The following KIF3C variants were observed in gnomAD, a reference collection of about 807,000 sequenced individuals.
KIF3C encodes kinesin-like protein KIF3C.
Under a neutral mutation model 67.7 loss-of-function variants are expected in KIF3C, and 12 were observed. That is an observed-to-expected ratio of 0.18 (90% CI 0.11 to 0.29). KIF3C has a LOEUF of 0.29. Among genes scored for constraint, KIF3C ranks in the 10% least tolerant of loss-of-function variants. KIF3C has a pLI of 1.00. For missense variants in KIF3C, 789 were observed against 1,059.6 expected (o/e 0.74, Z 3.55); for synonymous variants, 393 against 426.2 (o/e 0.92, Z 0.96).
chr2:25,981,999 C>T lies in KIF3C; in HGVS notation c.-82G>A. The T allele has an allele frequency of 8.5e-7, 1 of 1,177,436 alleles. No homozygotes were observed. The highest frequency in any genetic ancestry group is 1.5e-5 in the South Asian group (1 of 64,686). The allele number at this position is 1,177,436 out of a possible 1,614,324, so 72.9% of individuals were successfully genotyped here. A position where few individuals can be genotyped will look rare whatever the true frequency, so the allele number is the denominator to read the frequency against. ...ATCCTGCTCGCTAGGTCGGGATCAG[C>T]GGGGCCGGCCCAGCCCCCAGGCGCA... is the stretch of plus-strand genomic sequence containing the variant. On this transcript the variant is annotated 5_prime_UTR_variant, in exon 1 of 8. Coordinates refer to ENST00000264712, the MANE Select transcript of KIF3C (RefSeq NM_002254.8). This position sits in a 1 kb window ranked among gnomAD's most constrained non-coding sequence, Gnocchi z 8.2.
intron 1 of KIF3C, among the ~76,000 whole-genome samples, chr2:25,972,465 C>T (rs1452512741): frequency 6.6e-6 from 1 of 152,188 alleles, no homozygotes; most frequent in East Asian, 1.9e-4. Context: ...GAATACAAGA[C>T]ACTGCTCTCA....
Position 25,928,997 on chromosome 2 carries a change from G to A in KIF3C, c.2363C>T (p.Thr788Ile), listed in dbSNP as rs2090434724. 1 of 1,613,552 alleles carries A rather than the reference G, an allele frequency of 6.2e-7. No individual in the cohort carries two copies. Among genetic ancestry groups the A allele is most frequent in the Admixed American group, 1.7e-5 (1 of 59,992 alleles). ...SLASASLRPA[T>I]VADHE is the part of the protein sequence containing the mutation. Reference sequence around the variant, plus strand: ...TGGTTGTCACTCATGGTCCGCCACTGTTGCAGGGCGCAGAGAAGCAGAGGC... The same window carrying A: ...TGGTTGTCACTCATGGTCCGCCACTATTGCAGGGCGCAGAGAAGCAGAGGC... The change falls in exon 8 of 8, where the codon ACA becomes ATA. Residue 788 changes from threonine to isoleucine, a missense_variant. By Grantham distance (89) the Thr-to-Ile change is moderately conservative (BLOSUM62 -1). Coordinates refer to ENST00000264712, the MANE Select transcript of KIF3C (RefSeq NM_002254.8).
chr2:25,954,238 C>A lies in KIF3C; in HGVS notation c.1889+29G>T, dbSNP rs780102112. On this transcript the variant is annotated intron_variant, in intron 4 of 7. Coordinates refer to ENST00000264712, the MANE Select transcript of KIF3C (RefSeq NM_002254.8). ...GAGTAATGATGGCTGGCTGTGGGGA[C>A]CCGGGATGAAAAGAGCTGCGGGCCC... is the stretch of plus-strand genomic sequence containing the variant. The A allele has an allele frequency of 6.5e-6, 10 of 1,535,934 alleles. No homozygotes were observed. The East Asian group carries it at 9.0e-5, about 14-fold the overall frequency.
chr2:25,954,842 G>C (rs1663765789), intron 3 of KIF3C, among the ~76,000 whole-genome samples: 1 of 152,182 alleles, frequency 6.6e-6, no homozygotes, highest in African/African-American at 2.4e-5. Flanking sequence ...TCCCACTCCA[G>C]TCTCTTCAGG....
In KIF3C at chr2:25,982,000, G is replaced by T; in HGVS notation, c.-83C>A. ...TCCTGCTCGCTAGGTCGGGATCAGC[G>T]GGGCCGGCCCAGCCCCCAGGCGCAG... On this transcript the variant is annotated 5_prime_UTR_variant, in exon 1 of 8. Transcript: ENST00000264712. This position sits in a 1 kb window ranked among gnomAD's most constrained non-coding sequence, Gnocchi z 8.2. 1.7e-6 allele frequency: 2 copies of T among 1,184,864 alleles called. No individual in the cohort carries two copies. Among genetic ancestry groups the T allele is most frequent in the Admixed American group, 5.5e-5 (2 of 36,128 alleles). 73.4% of individuals were successfully genotyped at this position (1,184,864 alleles called of 1,614,324 possible).
chr2:25,954,002 T>C (rs1663730203), intron 4 of KIF3C: 1 of 405,270 alleles, frequency 2.5e-6, no homozygotes, highest in East Asian at 4.3e-5. Context: ...AAATCACTGA[T>C]TCTTATGCAA....
intron 1 of KIF3C, among the ~76,000 whole-genome samples, chr2:25,962,967 AATATATAATATATAATATATAAT>A (rs1559555403): frequency 3.6e-3 from 90 of 24,762 alleles, no homozygotes; most frequent in Non-Finnish European, 4.3e-3. Context: ...TAATATATAT[AATATATAATATATAATATATAAT>A]ATATATAATA....
In KIF3C at chr2:25,956,388, T is replaced by C. The variant is rs1452227280; in HGVS notation, c.1602A>G (p.Glu534=). ...GGRNIMDHTN[E]QQKMLELKRQ... ...TCTTCAGTTCCAACATCTTCTGCTG[T>C]TCGTTGGTGTGATCCATGATGTTCC... is the stretch of plus-strand genomic sequence containing the variant. Residue 534 remains glutamate (E), a synonymous_variant, in exon 2 of 8, where the codon GAA becomes GAG. Transcript: ENST00000264712. 6.2e-7 allele frequency: 1 copy of C among 1,614,156 alleles called. No homozygotes were observed. The highest frequency in any genetic ancestry group is 8.5e-7 in the Non-Finnish European group (1 of 1,180,022).
At chr2:25,932,380 C>A (rs572563395) in intron 5 of KIF3C, among the ~76,000 whole-genome samples, 1 of 150,124 alleles carries the variant, frequency 6.7e-6, no homozygotes, top group Admixed American at 6.7e-5. Flanking sequence ...CTCAGGTAAT[C>A]CTCCTGCCTC....
chr2:25,951,255 G>A (rs1663604089), intron 5 of KIF3C: 1 of 152,960 alleles, frequency 6.5e-6, no homozygotes, highest in Non-Finnish European at 1.5e-5. Context: ...GAAACAGGTG[G>A]AAATGCTGAA....
chr2:25,961,709 C>T (rs1663947092), intron 1 of KIF3C, among the ~76,000 whole-genome samples: 1 of 152,128 alleles, frequency 6.6e-6, no homozygotes, highest in Non-Finnish European at 1.5e-5. Flanking sequence ...CATATAAAAC[C>T]ATGATGTGGC....
intron 5 of KIF3C, among the ~76,000 whole-genome samples, chr2:25,932,981 T>C (rs534450615): frequency 7.1e-4 from 108 of 152,262 alleles, no homozygotes; most frequent in Middle Eastern, 3.4e-3. Context: ...CCAGGCACCA[T>C]GGCTCATGCC....
At position 25,945,838 on chromosome 2, in the gene KIF3C, G is replaced by A. The variant is rs112662078; in HGVS notation, c.2006+5951C>T. 2.0e-3 allele frequency among the ~76,000 whole-genome samples: 300 copies of A among 152,244 alleles called. 1 individual carries two copies. Among genetic ancestry groups the A allele is most frequent in the African/African-American group, 6.8e-3 (283 of 41,550 alleles). Reference sequence around the variant, plus strand: ...AAGCAAATAGTTTTTGGATGTGCACGGTGGCTCACGCCTGTAAATCCTAGC... The same window carrying A: ...AAGCAAATAGTTTTTGGATGTGCACAGTGGCTCACGCCTGTAAATCCTAGC... On this transcript the variant is annotated intron_variant, in intron 5 of 7. Transcript: ENST00000264712.
In KIF3C at chr2:25,942,558, A is replaced by C. The variant is rs999651956; in HGVS notation, c.2006+9231T>G. ...CCCAAGTAGCTGGAATTACAGGCAT[A>C]TGCCACCACACCTGGCTAATTTTGT... On this transcript the variant is annotated intron_variant, in intron 5 of 7. Coordinates refer to ENST00000264712, the MANE Select transcript of KIF3C (RefSeq NM_002254.8). Among the ~76,000 whole-genome samples the C allele has an allele frequency of 3.3e-5, 5 of 151,652 alleles. No homozygotes were observed. In the East Asian group the frequency reaches 9.9e-4, roughly 30 times the overall value.
intron 1 of KIF3C, among the ~76,000 whole-genome samples, chr2:25,960,434 G>T (rs1466500514): frequency 6.7e-6 from 1 of 149,130 alleles, no homozygotes; most frequent in Non-Finnish European, 1.5e-5. Context: ...GTCACATGAT[G>T]GCCCCCTCAG....
chr2:25,962,989 A>C (rs55659614), intron 1 of KIF3C, among the ~76,000 whole-genome samples: 2 of 36,518 alleles, frequency 5.5e-5, no homozygotes, highest in South Asian at 1.3e-3. Context: ...ATAATATATA[A>C]TATATATAAT....
chr2:25,929,908 G>T, intron 6 of KIF3C, 47 bp downstream of exon 6: 1 of 1,353,362 alleles, frequency 7.4e-7, no homozygotes, highest in Non-Finnish European at 1.1e-6. Flanking sequence ...GAGACACCTC[G>T]CCCGGCCTCC....
intron 5 of KIF3C, among the ~76,000 whole-genome samples, chr2:25,938,543 G>T (rs1663199892): frequency 1.3e-5 from 2 of 152,164 alleles, no homozygotes; most frequent in African/African-American, 2.4e-5. Flanking sequence ...GGACAGGGCT[G>T]GGTGAGCAGA....
chr2:25,944,923 G>C lies in KIF3C; in HGVS notation c.2006+6866C>G, dbSNP rs191193729. On this transcript the variant is annotated intron_variant, in intron 5 of 7. Coordinates refer to ENST00000264712, the MANE Select transcript of KIF3C (RefSeq NM_002254.8). ...AGGTGAGTGGATCACCTGAGGTCAG[G>C]AGTTCAAGATCAGCCTGGCCAACAT... Among the ~76,000 whole-genome samples the C allele has an allele frequency of 3.8e-3, 579 of 152,178 alleles. 3 individuals are homozygous for C. The highest frequency in any genetic ancestry group is 6.8e-3 in the Non-Finnish European group (459 of 67,992).
Sources: allele counts gnomAD v4.1 joint callset (sites outside exome capture counted in the v4.1 genomes callset), GRCh38; gene constraint gnomAD v4.1.1; non-coding constraint Gnocchi (gnomAD v3.1); transcripts MANE v1.5; gene names NCBI Gene and HGNC (gene_info 2026-07-23, HGNC 2026-07-21).